MAGI2: variants seen among roughly 807,000 people sequenced by gnomAD.
The protein encoded by MAGI2 is membrane-associated guanylate kinase, WW and PDZ domain-containing protein 2.
In MAGI2, 35 loss-of-function variants were observed where a neutral mutation model predicts 133.3. The ratio of observed to expected loss-of-function variants is 0.26; its 90% CI spans 0.20 to 0.35. The LOEUF (loss-of-function observed/expected upper bound fraction) is 0.35, where lower values mean the gene tolerates loss of function less well. MAGI2 is among the 10% of genes least tolerant of loss of function. MAGI2 has a pLI of 1.00. For synonymous variants in MAGI2, 729 were observed against 710.6 expected (o/e 1.03, Z -0.41); for missense variants, 1,636 against 1,863.4 (o/e 0.88, Z 2.25).
intron 6 of MAGI2, among the ~76,000 whole-genome samples, chr7:78,405,305 A>T (rs902305647): frequency 6.6e-6 from 1 of 152,128 alleles, no homozygotes; most frequent in Admixed American, 6.6e-5. Context: ...TGGTTCTAAC[A>T]GTCATTTCAG....
intron 6 of MAGI2, among the ~76,000 whole-genome samples, chr7:78,399,307 T>C (rs1796635619): frequency 6.6e-6 from 1 of 152,242 alleles, no homozygotes; most frequent in African/African-American, 2.4e-5. Flanking sequence ...CCTAATGCTA[T>C]ACACACATAC....
intron 3 of MAGI2, among the ~76,000 whole-genome samples, chr7:78,571,641 AAAATT>A (rs1200629888): frequency 6.6e-6 from 1 of 152,212 alleles, no homozygotes. Flanking sequence ...GATTTTATGG[AAAATT>A]AAATTATCTT....
intron 3 of MAGI2, among the ~76,000 whole-genome samples, chr7:78,594,916 A>G (rs114668080): frequency 0.034 from 5,166 of 152,296 alleles, 191 homozygotes; most frequent in African/African-American, 0.095. Flanking sequence ...AAAGGTCTTC[A>G]GGACTCAGAT....
At chr7:79,099,958 A>T (rs879647130) in intron 1 of MAGI2, among the ~76,000 whole-genome samples, 7 of 152,202 alleles carry the variant, frequency 4.6e-5, no homozygotes, top group Non-Finnish European at 1.0e-4. Flanking sequence ...AATTGTGTAT[A>T]TGTCCTTCTA....
At chr7:78,454,472 A>G (rs963634791) in intron 6 of MAGI2, among the ~76,000 whole-genome samples, 1 of 152,192 alleles carries the variant, frequency 6.6e-6, no homozygotes, top group Non-Finnish European at 1.5e-5. Context: ...GCTGGTAGGA[A>G]TGCAAAATTG....
At chr7:79,043,682 A>G (rs1254559623) in intron 1 of MAGI2, among the ~76,000 whole-genome samples, 1 of 152,128 alleles carries the variant, frequency 6.6e-6, no homozygotes, top group Non-Finnish European at 1.5e-5. Flanking sequence ...AGAAGATCCA[A>G]ATAAACACAA....
At chr7:79,447,049 T>A (rs1848905308) in intron 1 of MAGI2, among the ~76,000 whole-genome samples, 1 of 152,334 alleles carries the variant, frequency 6.6e-6, no homozygotes, top group African/African-American at 2.4e-5. Flanking sequence ...ACTTTTATTG[T>A]TTCTTCCAGA....
intron 2 of MAGI2, among the ~76,000 whole-genome samples, chr7:78,750,058 T>G (rs1047352626): frequency 2.6e-5 from 4 of 152,120 alleles, no homozygotes; most frequent in African/African-American, 9.7e-5. Context: ...CAGGCCCTGG[T>G]ATGTGATGTT....
intron 9 of MAGI2, among the ~76,000 whole-genome samples, chr7:78,276,515 A>T (rs1795071471): frequency 6.6e-6 from 1 of 151,858 alleles, no homozygotes; most frequent in Admixed American, 6.6e-5. Context: ...TTCAGTGTTT[A>T]TTTCACTTAA....
Position 78,127,343 on chromosome 7 carries a change from G to A in MAGI2, c.3277C>T (p.Gln1093Ter). Residue 1093 changes from glutamine to a stop codon, truncating the protein, a stop_gained, in exon 19 of 22, where the codon CAG becomes TAG. Transcript: ENST00000354212. LOFTEE classifies it high-confidence loss of function. ...IRQPPFTDYR[Q>*]PPLDYRQPPG... ...GGTTGCCTGTAATCCAGCGGGGGCT[G>A]CCTGTAGTCTGTGAATGGAGGCTGT... 6.2e-7 allele frequency: 1 copy of A among 1,610,728 alleles called. No individual in the cohort carries two copies.
In MAGI2 at chr7:79,453,605, T is replaced by TGGCGTC. The variant is rs1291573052; in HGVS notation, c.-291_-286dup. 9.9e-7 allele frequency: 1 copy of TGGCGTC among 1,005,352 alleles called. No homozygotes were observed. The allele number at this position is 1,005,352 out of a possible 1,614,324, so 62.3% of individuals were successfully genotyped here. On this transcript the variant is annotated 5_prime_UTR_variant, in exon 1 of 22. Coordinates refer to ENST00000354212, the MANE Select transcript of MAGI2 (RefSeq NM_012301.4). ...CCCGCAGCAGAGGAAGCAGTGGTGGTGGCGTCGGCGGCGGCGGCGGCGGCA... is the reference window on the plus strand; with the variant it reads ...CCCGCAGCAGAGGAAGCAGTGGTGGTGGCGTCGGCGTCGGCGGCGGCGGCGGCGGCA...
intron 9 of MAGI2, among the ~76,000 whole-genome samples, chr7:78,328,531 C>CACACACACACACACA (rs1788834173): frequency 9.2e-5 from 1 of 10,822 alleles, no homozygotes; most frequent in Non-Finnish European, 1.9e-4. Context: ...ACACACACAC[C>CACACACACACACACA]CCTCTCTCTC....
chr7:78,755,442 T>C (rs187753508), intron 2 of MAGI2, among the ~76,000 whole-genome samples: 2 of 152,356 alleles, frequency 1.3e-5, no homozygotes, highest in South Asian at 2.1e-4. Flanking sequence ...ATTTCACTTT[T>C]AAGCATGTTT....
intron 7 of MAGI2, among the ~76,000 whole-genome samples, chr7:78,351,591 T>G (rs1791519805): frequency 6.6e-6 from 1 of 151,930 alleles, no homozygotes; most frequent in South Asian, 2.1e-4. Context: ...AGTGTGGATT[T>G]CATCATTGCT....
chr7:78,053,698 T>C (rs1185923620), intron 21 of MAGI2, among the ~76,000 whole-genome samples: 3 of 152,340 alleles, frequency 2.0e-5, no homozygotes, highest in South Asian at 2.1e-4. Context: ...TGTGAGTCCA[T>C]CTTTCCCTGT....
intron 9 of MAGI2, among the ~76,000 whole-genome samples, chr7:78,312,874 C>T (rs1174988250): frequency 6.6e-6 from 1 of 151,060 alleles, no homozygotes; most frequent in African/African-American, 2.4e-5. Context: ...CAATCCCACT[C>T]CTGGGTATAT....
At chr7:79,074,547 G>A (rs1815288328) in intron 1 of MAGI2, among the ~76,000 whole-genome samples, 1 of 152,144 alleles carries the variant, frequency 6.6e-6, no homozygotes, top group Non-Finnish European at 1.5e-5. Flanking sequence ...AAATACTCAA[G>A]TATTTAAGCA....
At chr7:78,108,749 T>C (rs1240500178) in intron 20 of MAGI2, among the ~76,000 whole-genome samples, 1 of 140,644 alleles carries the variant, frequency 7.1e-6, no homozygotes, top group Non-Finnish European at 1.6e-5. Flanking sequence ...TATGTGAGTG[T>C]ATATACGTGA....
At chr7:79,242,151 T>G (rs935859800) in intron 1 of MAGI2, among the ~76,000 whole-genome samples, 1 of 152,202 alleles carries the variant, frequency 6.6e-6, no homozygotes, top group Admixed American at 6.5e-5. Context: ...ATAACATATA[T>G]TGTATAATTG....
Sources: allele counts gnomAD v4.1 joint callset (sites outside exome capture counted in the v4.1 genomes callset), GRCh38; gene constraint gnomAD v4.1.1; transcripts MANE v1.5; gene names NCBI Gene and HGNC (gene_info 2026-07-23, HGNC 2026-07-21).